Variants in SLC34A2 observed in about 807,000 individuals in gnomAD.
SLC34A2 encodes the protein solute carrier family 34 member 2.
SLC34A2 carries 41 observed loss-of-function variants against 50.8 expected under a neutral mutation model. That is an observed-to-expected ratio of 0.81 (90% confidence interval 0.63 to 1.05). The LOEUF (loss-of-function observed/expected upper bound fraction) is 1.05, where lower values mean the gene tolerates loss of function less well. SLC34A2 is among the 50% of genes least tolerant of loss of function. SLC34A2 has a pLI of 0.00. For missense variants in SLC34A2, 879 were observed against 876.7 expected (o/e 1.00, Z -0.03); for synonymous variants, 401 against 364.2 (o/e 1.10, Z -1.15).
At chr4:25,663,222 G>A (rs570069097) in intron 3 of SLC34A2, among the ~76,000 whole-genome samples, 1 of 152,250 alleles carries the variant, frequency 6.6e-6, no homozygotes, top group Non-Finnish European at 1.5e-5. Flanking sequence ...CCAAAGTGCT[G>A]AGATTACAGG....
Position 25,667,892 on chromosome 4 carries a change from G to A in SLC34A2, c.536G>A (p.Arg179Gln), listed in dbSNP as rs760292711. 8.3e-5 allele frequency: 134 copies of A among 1,612,282 alleles called. No homozygotes were observed. Among genetic ancestry groups the A allele is most frequent in the Non-Finnish European group, 1.0e-4 (122 of 1,178,502 alleles). ...SMVSSSLLTV[R>Q]AAIPIIMGAN... ...TTCCATCCTCTAGTGCTCACTGTTC[G>A]GGCTGCCATCCCCATTATCATGGGG... is the stretch of plus-strand genomic sequence containing the variant. Residue 179 changes from arginine to glutamine, a missense_variant, in exon 6 of 13, where the codon CGG becomes CAG. By Grantham distance (43) the Arg-to-Gln change is conservative (BLOSUM62 1). Transcript: ENST00000382051.
intron 1 of SLC34A2, among the ~76,000 whole-genome samples, chr4:25,657,466 G>A (rs191262152): frequency 1.9e-3 from 285 of 151,984 alleles, no homozygotes; most frequent in Non-Finnish European, 2.1e-3. Context: ...AAAAGATTGC[G>A]GTATTTTTAA....
intron 6 of SLC34A2, 130 bp from the exon 7 acceptor site, chr4:25,669,517 T>C (rs1211591090): frequency 1.2e-6 from 1 of 841,308 alleles, no homozygotes; most frequent in Non-Finnish European, 2.1e-6. Context: ...AAAAATGAGA[T>C]TGTGTACATG....
Position 25,664,341 on chromosome 4 carries a change from A to G in SLC34A2, c.379+11A>G. ...TCCAGCTGGTTGGAGGTAAGAATGA[A>G]AGGGTGAGAGGTCTGCGGGTGAGGG... On this transcript the variant is annotated intron_variant, in intron 4 of 12. Transcript: ENST00000382051. The G allele has an allele frequency of 6.2e-7, 1 of 1,614,026 alleles. No homozygotes were observed. Among genetic ancestry groups the G allele is most frequent in the Non-Finnish European group, 8.5e-7 (1 of 1,179,980 alleles).
At chr4:25,664,083 C>T in intron 3 of SLC34A2, 119 bp from the exon 4 acceptor site, 1 of 972,338 alleles carries the variant, frequency 1.0e-6, no homozygotes, top group Admixed American at 1.7e-5. Context: ...TAACGGCTGC[C>T]AGGCTGGGAA....
chr4:25,673,276 G>A lies in SLC34A2; in HGVS notation c.1216+22G>A, dbSNP rs1364473594. On this transcript the variant is annotated intron_variant, in intron 10 of 12. Transcript: ENST00000382051. ...ACTGGTAGGTACACTGCCCTCACTT[G>A]TAGGCCTCACATGTAGTCACTGCAT... The A allele has an allele frequency of 4.4e-6, 5 of 1,125,952 alleles. 1 individual carries two copies. The Admixed American group carries it at 1.2e-4, about 26-fold the overall frequency. The allele number at this position is 1,125,952 out of a possible 1,614,324, so 69.7% of individuals were successfully genotyped here.
chr4:25,668,656 A>T (rs1037623354), intron 6 of SLC34A2, among the ~76,000 whole-genome samples: 2 of 148,994 alleles, frequency 1.3e-5, no homozygotes. Flanking sequence ...AAAAAAAAAA[A>T]ATAAATAAAT....
At chr4:25,668,381 G>A (rs1175045809) in intron 6 of SLC34A2, among the ~76,000 whole-genome samples, 1 of 152,210 alleles carries the variant, frequency 6.6e-6, no homozygotes, top group African/African-American at 2.4e-5. Flanking sequence ...GACTGGGCGT[G>A]GTGGCTCATG....
In SLC34A2 at chr4:25,678,720, A is replaced by C; in HGVS notation, c.*1971A>C. The stretch of plus-strand genomic sequence containing the variant: ...TTTTTTTTTTTTACTGGTTATGGGA[A>C]GGGAGAAATAAAATCATCAAACCCA... On this transcript the variant is annotated 3_prime_UTR_variant, in exon 13 of 13. Coordinates refer to ENST00000382051, the MANE Select transcript of SLC34A2 (RefSeq NM_006424.3). 4 of 455,038 alleles carry C rather than the reference A, an allele frequency of 8.8e-6. No individual in the cohort carries two copies. The highest frequency in any genetic ancestry group is 3.5e-5 in the East Asian group (1 of 28,622). The allele number at this position is 455,038 out of a possible 1,614,324, so 28.2% of individuals were successfully genotyped here.
Position 25,676,674 on chromosome 4 carries a change from T to A in SLC34A2, c.1998T>A (p.Asp666Glu), listed in dbSNP as rs1378570238. The stretch of plus-strand genomic sequence containing the variant: ...CTGTCAAGGCTCCTGAGACCTTTGA[T>A]AACATAACCATTAGCAGAGAGGCTC... ...DVPVKAPETF[D>E]NITISREAQG... Residue 666 changes from aspartate (D) to glutamate (E), a missense_variant, in exon 13 of 13, where the codon GAT becomes GAA. By Grantham distance (45) the Asp-to-Glu change is conservative. Coordinates refer to ENST00000382051, the MANE Select transcript of SLC34A2 (RefSeq NM_006424.3). The A allele has an allele frequency of 1.9e-6, 3 of 1,614,058 alleles. No individual in the cohort carries two copies. Among genetic ancestry groups the A allele is most frequent in the Non-Finnish European group, 2.5e-6 (3 of 1,180,034 alleles).
intron 8 of SLC34A2, 150 bp downstream of exon 8, chr4:25,670,983 TTAGAAAACAA>T: frequency 1.4e-6 from 1 of 698,278 alleles, no homozygotes; most frequent in Admixed American, 2.2e-5. Flanking sequence ...GTGAATGCCT[TTAGAAAACAA>T]GTCCTTGAAT....
chr4:25,670,870 A>T, intron 8 of SLC34A2, 37 bp downstream of exon 8: 1 of 1,500,630 alleles, frequency 6.7e-7, no homozygotes, highest in Non-Finnish European at 9.3e-7. Flanking sequence ...CGGGGAGTGA[A>T]CCTTTGCATC....
chr4:25,674,837 A>G (rs1429147940), intron 12 of SLC34A2, among the ~76,000 whole-genome samples: 1 of 152,206 alleles, frequency 6.6e-6, no homozygotes, highest in East Asian at 1.9e-4. Context: ...TAAGACCCTC[A>G]TAACTGGTGG....
chr4:25,676,359 C>G lies in SLC34A2; in HGVS notation c.1683C>G (p.Pro561=), dbSNP rs751332566. 1.2e-6 allele frequency: 2 copies of G among 1,614,170 alleles called. No individual in the cohort carries two copies. Among genetic ancestry groups the G allele is most frequent in the Middle Eastern group, 1.6e-4 (1 of 6,062 alleles). Residue 561 remains proline, a synonymous_variant, in exon 13 of 13, where the codon CCC becomes CCG. Transcript: ENST00000382051. Reference sequence around the variant, plus strand: ...GGGTGCTGGTTGGTGTCGGGGTTCCCGTCGTCTTCATCATCATCCTGGTAC... The same window carrying G: ...GGGTGCTGGTTGGTGTCGGGGTTCCGGTCGTCTTCATCATCATCCTGGTAC... The part of the protein sequence containing the change: ...GWRVLVGVGV[P]VVFIIILVLC...
At chr4:25,672,459 TG>T (rs1394756472) in intron 9 of SLC34A2, among the ~76,000 whole-genome samples, 1 of 152,194 alleles carries the variant, frequency 6.6e-6, no homozygotes, top group East Asian at 1.9e-4. Flanking sequence ...GAAGCTGTAA[TG>T]TTTTTTCCAA....
chr4:25,666,233 C>T lies in SLC34A2; in HGVS notation c.485C>T (p.Thr162Ile). The T allele has an allele frequency of 6.2e-7, 1 of 1,614,012 alleles. No individual in the cohort carries two copies. Among genetic ancestry groups the T allele is most frequent in the Non-Finnish European group, 8.5e-7 (1 of 1,180,020 alleles). ...LVTVLVQSSSTSTSIVVSMVS... is the reference protein window; with the variant it reads ...LVTVLVQSSSISTSIVVSMVS... ...ACCGTCTTGGTGCAGAGCTCCAGCA[C>T]CTCAACGTCCATCGTTGTCAGCATG... Residue 162 changes from threonine (T) to isoleucine (I), a missense_variant, in exon 5 of 13, where the codon ACC (threonine) becomes ATC (isoleucine). By Grantham distance (89) the Thr-to-Ile change is moderately conservative. Transcript: ENST00000382051.
intron 1 of SLC34A2, 86 bp from the exon 2 acceptor site, chr4:25,662,412 T>A: frequency 7.9e-7 from 1 of 1,260,846 alleles, no homozygotes; most frequent in African/African-American, 1.5e-5. Flanking sequence ...CAGTTGATGC[T>A]TTGCAACCAA....
In SLC34A2 at chr4:25,667,815, G is replaced by A. The variant is rs1194163148; in HGVS notation, c.524-65G>A. On this transcript the variant is annotated intron_variant, in intron 5 of 12. Coordinates refer to ENST00000382051, the MANE Select transcript of SLC34A2 (RefSeq NM_006424.3). ...TACTTCTTTAGAGGATACCAGCATA[G>A]GTAACTTTAGCCTGCCTCCAGGCTG... The A allele has an allele frequency of 6.8e-6, 7 of 1,025,606 alleles. No homozygotes were observed. The Middle Eastern group carries it at 6.1e-4, about 89-fold the overall frequency. 63.5% of individuals were successfully genotyped at this position (1,025,606 alleles called of 1,614,324 possible).
chr4:25,664,177 C>G (rs747792008), intron 3 of SLC34A2, 25 bp from the exon 4 acceptor site: 30 of 1,611,116 alleles, frequency 1.9e-5, no homozygotes, highest in Non-Finnish European at 2.4e-5. Flanking sequence ...CTTTCTCTCT[C>G]TCCCCCCATC....
Sources: gnomAD v4.1 joint callset for allele counts (sites outside exome capture counted in the v4.1 genomes callset) on GRCh38, gnomAD v4.1.1 for gene constraint, MANE v1.5 for transcripts, NCBI Gene and HGNC (gene_info 2026-07-23, HGNC 2026-07-21) for gene names.